The following MCU variants were observed in gnomAD, a reference collection of about 807,000 sequenced individuals.
MCU encodes the protein mitochondrial calcium uniporter, also known as calcium uniporter protein, mitochondrial.
A neutral mutation model predicts 45.2 loss-of-function variants in MCU; 12 were observed. The observed-to-expected ratio is 0.27, with a 90% CI of 0.17 to 0.43. The LOEUF is 0.43. Among genes scored for constraint, MCU ranks in the 20% least tolerant of loss-of-function variants. The pLI is 1.00. For missense variants in MCU, 324 were observed against 436.7 expected (o/e 0.74, Z 2.30); for synonymous variants, 160 against 165.1 (o/e 0.97, Z 0.24).
intron 6 of MCU, among the ~76,000 whole-genome samples, chr10:72,879,546 A>C (rs554478955): frequency 6.6e-6 from 1 of 152,228 alleles, no homozygotes; most frequent in East Asian, 1.9e-4. Flanking sequence ...CAGACAGAGA[A>C]TTTGTCACCA....
At chr10:72,791,427 T>C (rs1176044298) in intron 1 of MCU, among the ~76,000 whole-genome samples, 1 of 152,198 alleles carries the variant, frequency 6.6e-6, no homozygotes, top group African/African-American at 2.4e-5. Context: ...TATACCGTAG[T>C]CCAGGGGAAG....
chr10:72,692,676 C>G, intron 1 of MCU: 1 of 1,207,674 alleles, frequency 8.3e-7, no homozygotes, highest in South Asian at 2.7e-5. Context: ...TGGAAGTTGT[C>G]CCCTTTCCCT....
chr10:72,821,450 G>C (rs1411732331), intron 1 of MCU, among the ~76,000 whole-genome samples: 1 of 152,118 alleles, frequency 6.6e-6, no homozygotes, highest in Non-Finnish European at 1.5e-5. Context: ...GTTTATGTAA[G>C]TCTGGAGAAT....
At chr10:72,729,088 T>G (rs112594771) in intron 1 of MCU, among the ~76,000 whole-genome samples, 3 of 152,296 alleles carry the variant, frequency 2.0e-5, no homozygotes, top group African/African-American at 7.2e-5. Context: ...TCAGGACTGC[T>G]TCAAAATACC....
intron 1 of MCU, among the ~76,000 whole-genome samples, chr10:72,772,893 T>TTTTGTTTG (rs149924655): frequency 6.7e-6 from 1 of 149,732 alleles, no homozygotes; most frequent in African/African-American, 2.5e-5. Flanking sequence ...AAATAGCAGG[T>TTTTGTTTG]TTTGTTTGTT....
chr10:72,882,492 A>C (rs1845719301), intron 6 of MCU, among the ~76,000 whole-genome samples: 2 of 152,154 alleles, frequency 1.3e-5, no homozygotes, highest in African/African-American at 4.8e-5. Flanking sequence ...GGGTCTCTAA[A>C]ATGGCCCCCT....
intron 1 of MCU, among the ~76,000 whole-genome samples, chr10:72,748,138 C>T (rs1291104845): frequency 1.3e-5 from 2 of 151,740 alleles, no homozygotes; most frequent in African/African-American, 2.4e-5. Flanking sequence ...ACCTCTGCCT[C>T]CCGGGTTCAA....
At chr10:72,820,573 C>A (rs1389113322) in intron 1 of MCU, among the ~76,000 whole-genome samples, 1 of 150,782 alleles carries the variant, frequency 6.6e-6, no homozygotes, top group Non-Finnish European at 1.5e-5. Context: ...TGCAATGGTG[C>A]GATCTTGGCT....
intron 1 of MCU, among the ~76,000 whole-genome samples, chr10:72,808,232 G>A (rs1844481773): frequency 1.3e-5 from 2 of 152,174 alleles, no homozygotes; most frequent in South Asian, 4.1e-4. Flanking sequence ...GGCTTCTGAT[G>A]CAGATCTCAT....
At chr10:72,770,414 A>T (rs1168258277) in intron 1 of MCU, among the ~76,000 whole-genome samples, 1 of 152,076 alleles carries the variant, frequency 6.6e-6, no homozygotes, top group Non-Finnish European at 1.5e-5. Context: ...GTACTAACTC[A>T]ATTCATGTGA....
At chr10:72,715,286 G>A (rs2132665734) in intron 1 of MCU, 1 of 481,028 alleles carries the variant, frequency 2.1e-6, no homozygotes, top group East Asian at 1.5e-4. Context: ...CCATGTAGAG[G>A]AGCTTCTTAA....
rs941994798 is a variant in MCU, at chr10:72,693,097, G to A, written c.150+796G>A. Reference sequence around the variant, plus strand: ...TTGTTGACAGAGGCAGAGATTTGGTGGTTGTATTAACCAGTTGTTGCTGGG... The same window carrying A: ...TTGTTGACAGAGGCAGAGATTTGGTAGTTGTATTAACCAGTTGTTGCTGGG... On this transcript the variant is annotated intron_variant, in intron 1 of 7. Coordinates refer to ENST00000373053, the MANE Select transcript of MCU (RefSeq NM_138357.3). 19 of 1,534,582 alleles carry A rather than the reference G, an allele frequency of 1.2e-5. No homozygotes were observed. The East Asian group carries it at 3.7e-4, about 30-fold the overall frequency.
At chr10:72,759,516 A>G (rs1843625113) in intron 1 of MCU, among the ~76,000 whole-genome samples, 1 of 152,178 alleles carries the variant, frequency 6.6e-6, no homozygotes, top group African/African-American at 2.4e-5. Flanking sequence ...AATTGGGCAT[A>G]AGACAATATG....
At chr10:72,698,750 C>T (rs533551543) in intron 1 of MCU, among the ~76,000 whole-genome samples, 7 of 152,324 alleles carry the variant, frequency 4.6e-5, no homozygotes, top group African/African-American at 1.7e-4. Context: ...GGTGATCGGC[C>T]TGCCTCAGCC....
At chr10:72,788,692 C>G (rs1222942289) in intron 1 of MCU, among the ~76,000 whole-genome samples, 1 of 152,202 alleles carries the variant, frequency 6.6e-6, no homozygotes, top group African/African-American at 2.4e-5. Flanking sequence ...CTCGTGCTTT[C>G]TATTTGGAAA....
chr10:72,801,508 A>G (rs1844341029), intron 1 of MCU, among the ~76,000 whole-genome samples: 1 of 151,610 alleles, frequency 6.6e-6, no homozygotes, highest in African/African-American at 2.4e-5. Context: ...TTCTTCACAT[A>G]AACCCTACTT....
intron 1 of MCU, among the ~76,000 whole-genome samples, chr10:72,695,995 C>T (rs1327259943): frequency 2.0e-5 from 3 of 151,234 alleles, no homozygotes; most frequent in African/African-American, 7.3e-5. Flanking sequence ...AACCTCGTCT[C>T]TACTAAAAAG....
intron 1 of MCU, among the ~76,000 whole-genome samples, chr10:72,829,045 G>A (rs1423918106): frequency 6.6e-6 from 1 of 152,134 alleles, no homozygotes; most frequent in Non-Finnish European, 1.5e-5. Flanking sequence ...GGGAGGCCGG[G>A]CGCCTTGGCT....
At chr10:72,830,120 C>G (rs1844857674) in intron 1 of MCU, among the ~76,000 whole-genome samples, 1 of 152,150 alleles carries the variant, frequency 6.6e-6, no homozygotes, top group Non-Finnish European at 1.5e-5. Flanking sequence ...TGCAGCTACT[C>G]AACTCTTGCA....
Sources: allele counts gnomAD v4.1 joint callset (sites outside exome capture counted in the v4.1 genomes callset), GRCh38; gene constraint gnomAD v4.1.1; transcripts MANE v1.5; gene names NCBI Gene and HGNC (gene_info 2026-07-23, HGNC 2026-07-21).